The following NBEA variants were observed in gnomAD, a reference collection of about 807,000 sequenced individuals.
The protein encoded by NBEA is lysosomal-trafficking regulator 2.
A neutral mutation model predicts 343.4 loss-of-function variants in NBEA; 44 were observed. The observed-to-expected ratio is 0.13, with a 90% CI of 0.10 to 0.16. The LOEUF is 0.16. Among genes scored for constraint, NBEA ranks in the 10% least tolerant of loss-of-function variants. The pLI is 1.00. For missense variants in NBEA, 2,555 were observed against 3,631.3 expected (o/e 0.70, Z 7.62); for synonymous variants, 1,175 against 1,238.7 (o/e 0.95, Z 1.08).
intron 1 of NBEA, among the ~76,000 whole-genome samples, chr13:35,026,912 T>A (rs776101788): frequency 6.6e-6 from 1 of 152,108 alleles, no homozygotes; most frequent in Non-Finnish European, 1.5e-5. Context: ...CTTACCCTCA[T>A]AACCCTAACT....
chr13:35,210,335 TG>T (rs1029487877), intron 32 of NBEA, among the ~76,000 whole-genome samples: 19 of 151,958 alleles, frequency 1.3e-4, no homozygotes, highest in Non-Finnish European at 2.7e-4. Flanking sequence ...AGCTAAAGAC[TG>T]GGCATACTGT....
At chr13:35,230,677 A>G (rs2074918828) in intron 33 of NBEA, among the ~76,000 whole-genome samples, 1 of 152,076 alleles carries the variant, frequency 6.6e-6, no homozygotes, top group Non-Finnish European at 1.5e-5. Context: ...ATCTCTTTGT[A>G]TTCACTAACA....
At chr13:35,289,929 G>A (rs754440961) in intron 34 of NBEA, among the ~76,000 whole-genome samples, 1 of 151,604 alleles carries the variant, frequency 6.6e-6, no homozygotes, top group Non-Finnish European at 1.5e-5. Flanking sequence ...TTACCTATTT[G>A]TAAATTAATT....
At chr13:35,182,660 T>A (rs1041680918) in intron 29 of NBEA, 132 bp downstream of exon 29, 2 of 830,854 alleles carry the variant, frequency 2.4e-6, no homozygotes, top group African/African-American at 3.6e-5. Context: ...ATAGAAATGC[T>A]AATTTAGTAT....
intron 41 of NBEA, among the ~76,000 whole-genome samples, chr13:35,473,393 GAC>G (rs1207404367): frequency 6.6e-6 from 1 of 152,108 alleles, no homozygotes; most frequent in Non-Finnish European, 1.5e-5. Flanking sequence ...AATAGTCAAA[GAC>G]AAATGCTCCC....
intron 18 of NBEA, among the ~76,000 whole-genome samples, chr13:35,148,573 T>C (rs1184934954): frequency 6.6e-6 from 1 of 152,106 alleles, no homozygotes; most frequent in Non-Finnish European, 1.5e-5. Context: ...CAAAATAAAA[T>C]TTAGCAAATA....
chr13:34,965,286 A>C (rs1419288731), intron 1 of NBEA, among the ~76,000 whole-genome samples: 1 of 152,088 alleles, frequency 6.6e-6, no homozygotes, highest in Non-Finnish European at 1.5e-5. Flanking sequence ...AAATTAAAAA[A>C]TACTAAATAA....
chr13:35,266,861 A>G (rs146845622), intron 34 of NBEA, among the ~76,000 whole-genome samples: 213 of 152,064 alleles, frequency 1.4e-3, no homozygotes, highest in African/African-American at 4.8e-3. Flanking sequence ...ACAATACCAT[A>G]TAACTTTTCA....
intron 10 of NBEA, among the ~76,000 whole-genome samples, chr13:35,076,342 A>G (rs910463695): frequency 7.2e-5 from 11 of 152,018 alleles, no homozygotes; most frequent in African/African-American, 2.7e-4. Flanking sequence ...GAGAAAAATG[A>G]AGTAATTTGG....
At chr13:35,363,054 C>T (rs1159926518) in intron 38 of NBEA, among the ~76,000 whole-genome samples, 4 of 151,944 alleles carry the variant, frequency 2.6e-5, no homozygotes, top group Non-Finnish European at 4.4e-5. Context: ...CAGACCTTCA[C>T]CGTTGCCATT....
intron 23 of NBEA, among the ~76,000 whole-genome samples, chr13:35,163,801 ACTT>A (rs2069770308): frequency 6.6e-6 from 1 of 151,912 alleles, no homozygotes; most frequent in Admixed American, 6.6e-5. Flanking sequence ...CTATCATGTC[ACTT>A]CTTTAGCAGT....
intron 33 of NBEA, 61 bp from the exon 34 acceptor site, chr13:35,232,431 A>G: frequency 8.9e-7 from 1 of 1,123,268 alleles, no homozygotes; most frequent in Middle Eastern, 2.6e-4. Flanking sequence ...TTAGAAGTAA[A>G]GTTTATTTGA....
chr13:35,287,052 C>G (rs1457659792), intron 34 of NBEA, among the ~76,000 whole-genome samples: 1 of 151,996 alleles, frequency 6.6e-6, no homozygotes, highest in African/African-American at 2.4e-5. Context: ...TATTCAAAAG[C>G]ACTTAATGGA....
rs371894694 is a variant in NBEA, at chr13:35,636,156, C to T, written c.7617+7908C>T. 1.2e-4 allele frequency among the ~76,000 whole-genome samples: 18 copies of T among 152,268 alleles called. No homozygotes were observed. In the East Asian group the frequency reaches 3.5e-3, roughly 29 times the overall value. ...TTCACTTCTATAACACAGTTGTTACCTCAGCATAAATTAACAATTATTCAA... is the reference window on the plus strand; with the variant it reads ...TTCACTTCTATAACACAGTTGTTACTTCAGCATAAATTAACAATTATTCAA... On this transcript the variant is annotated intron_variant, in intron 49 of 58. Coordinates refer to ENST00000379939, the MANE Select transcript of NBEA (RefSeq NM_001385012.1).
intron 46 of NBEA, among the ~76,000 whole-genome samples, chr13:35,584,775 C>G (rs557210940): frequency 1.3e-5 from 2 of 152,168 alleles, no homozygotes; most frequent in East Asian, 3.9e-4. Context: ...ACTGGGATTA[C>G]AGGCGTGAGC....
At chr13:35,651,528 A>C (rs2084522358) in intron 52 of NBEA, among the ~76,000 whole-genome samples, 1 of 152,088 alleles carries the variant, frequency 6.6e-6, no homozygotes, top group Non-Finnish European at 1.5e-5. Flanking sequence ...TGATGGGTTC[A>C]ATAAATGTTA....
intron 49 of NBEA, among the ~76,000 whole-genome samples, chr13:35,643,347 T>C (rs950099317): frequency 6.6e-6 from 1 of 152,152 alleles, no homozygotes; most frequent in African/African-American, 2.4e-5. Flanking sequence ...ATCGTCTTTA[T>C]TTTGGGGGCT....
At chr13:35,511,697 A>C (rs1299958100) in intron 41 of NBEA, among the ~76,000 whole-genome samples, 2 of 152,172 alleles carry the variant, frequency 1.3e-5, no homozygotes, top group African/African-American at 2.4e-5. Flanking sequence ...ACACTGTATC[A>C]TATTACCTAT....
At chr13:35,574,748 T>G (rs112209428) in intron 45 of NBEA, among the ~76,000 whole-genome samples, 10,224 of 150,290 alleles carry the variant, frequency 0.068, 401 homozygotes, top group African/African-American at 0.088. Flanking sequence ...AAAAATAAAG[T>G]GCCAATAGAT....
Sources: allele counts gnomAD v4.1 joint callset (sites outside exome capture counted in the v4.1 genomes callset), GRCh38; gene constraint gnomAD v4.1.1; transcripts MANE v1.5; gene names NCBI Gene and HGNC (gene_info 2026-07-23, HGNC 2026-07-21).